The following HDAC9 variants were observed in gnomAD, a reference collection of about 807,000 sequenced individuals.
HDAC9 encodes MEF-2 interacting transcription repressor (MITR) protein.
Under a neutral mutation model 139.4 loss-of-function variants are expected in HDAC9, and 41 were observed. That is an observed-to-expected ratio of 0.29 (90% CI 0.23 to 0.38). HDAC9 has a LOEUF of 0.38. Among genes scored for constraint, HDAC9 ranks in the 10% least tolerant of loss-of-function variants. The pLI is 1.00. For missense variants in HDAC9, 1,147 were observed against 1,297.0 expected (o/e 0.88, Z 1.78); for synonymous variants, 517 against 476.2 (o/e 1.09, Z -1.12).
rs928312970 is a variant in HDAC9, at chr7:18,118,730, G to C, written c.-97+31517G>C. Among the ~76,000 whole-genome samples, 3 of 152,222 alleles carry C rather than the reference G, an allele frequency of 2.0e-5. No homozygotes were observed. The Middle Eastern group carries it at 0.01, about 521-fold the overall frequency. The stretch of plus-strand genomic sequence containing the variant: ...CCAAATTACTAGCCTTCAAATCCTT[G>C]TCTATTTTGTATCCAGAGCCTATTT... On this transcript the variant is annotated intron_variant, in intron 1 of 12. Transcript: ENST00000417496.
chr7:18,521,981 G>A (rs930191007), intron 2 of HDAC9, among the ~76,000 whole-genome samples: 2 of 152,134 alleles, frequency 1.3e-5, no homozygotes, highest in African/African-American at 4.8e-5. Context: ...GAAATATTGT[G>A]TCTTCTGTTA....
chr7:18,212,470 C>T (rs1466638552), intron 2 of HDAC9, among the ~76,000 whole-genome samples: 4 of 152,062 alleles, frequency 2.6e-5, no homozygotes, highest in Admixed American at 6.6e-5. Context: ...ATTCTTGTTG[C>T]GTCATCAAAG....
At chr7:18,762,533 G>A (rs1009337783) in intron 15 of HDAC9, among the ~76,000 whole-genome samples, 1 of 152,140 alleles carries the variant, frequency 6.6e-6, no homozygotes, top group Admixed American at 6.5e-5. Context: ...TGTACAATGT[G>A]TTTTTGCATA....
intron 2 of HDAC9, among the ~76,000 whole-genome samples, chr7:18,540,769 G>C (rs1395533423): frequency 2.0e-5 from 3 of 152,112 alleles, no homozygotes; most frequent in Non-Finnish European, 4.4e-5. Context: ...TTTAGAAAAG[G>C]AACATTGAAA....
At chr7:18,354,837 A>G (rs17347187) in intron 1 of HDAC9, among the ~76,000 whole-genome samples, 1,740 of 152,250 alleles carry the variant, frequency 0.011, 13 homozygotes, top group Non-Finnish European at 0.018. Flanking sequence ...AAAGCTTTAG[A>G]CAGTCAACAC....
intron 2 of HDAC9, among the ~76,000 whole-genome samples, chr7:18,234,862 G>A (rs1160027026): frequency 2.0e-5 from 3 of 152,194 alleles, no homozygotes; most frequent in African/African-American, 7.2e-5. Flanking sequence ...CACACCTGTG[G>A]GAACATTTGG....
At chr7:18,239,758 A>G (rs1026580357) in intron 2 of HDAC9, among the ~76,000 whole-genome samples, 1 of 152,192 alleles carries the variant, frequency 6.6e-6, no homozygotes, top group Non-Finnish European at 1.5e-5. Context: ...AAGTTGCCAC[A>G]GGAGAATGGG....
intron 1 of HDAC9, among the ~76,000 whole-genome samples, chr7:18,445,246 T>A (rs1166106901): frequency 6.6e-6 from 1 of 152,240 alleles, no homozygotes; most frequent in Non-Finnish European, 1.5e-5. Context: ...GTTAGTTCTA[T>A]TAGCTCAACT....
chr7:18,682,819 A>G (rs1243486099), intron 12 of HDAC9, among the ~76,000 whole-genome samples: 1 of 151,888 alleles, frequency 6.6e-6, no homozygotes, highest in Admixed American at 6.6e-5. Flanking sequence ...CCTGTCTAAT[A>G]AAAATACAAA....
Position 18,249,567 on chromosome 7 carries a change from G to GTT in HDAC9, c.25+87221_25+87222dup, listed in dbSNP as rs1193725293. 7.4e-5 allele frequency among the ~76,000 whole-genome samples: 11 copies of GTT among 147,900 alleles called. No homozygotes were observed. In the South Asian group the frequency reaches 1.1e-3, roughly 14 times the overall value. On this transcript the variant is annotated intron_variant, in intron 2 of 12. Transcript: ENST00000417496. ...AACAGATCTGTTTTTTAAGTGGGTA[G>GTT]TTTTACAGGGGAGAGGTTATTTCCT...
intron 24 of HDAC9, among the ~76,000 whole-genome samples, chr7:18,955,566 T>G (rs1783091698): frequency 6.6e-6 from 1 of 152,182 alleles, no homozygotes; most frequent in African/African-American, 2.4e-5. Context: ...TCAATAGGCA[T>G]TTTTGAGTTC....
At chr7:18,227,923 A>G (rs1026113204) in intron 2 of HDAC9, among the ~76,000 whole-genome samples, 1 of 152,262 alleles carries the variant, frequency 6.6e-6, no homozygotes, top group Non-Finnish European at 1.5e-5. Flanking sequence ...TACACTTTTT[A>G]TTCATTTTCC....
intron 1 of HDAC9, among the ~76,000 whole-genome samples, chr7:18,331,409 GTTAAAA>G (rs1800910541): frequency 1.3e-5 from 2 of 151,652 alleles, no homozygotes; most frequent in Admixed American, 6.6e-5. Context: ...CATATTTTCA[GTTAAAA>G]TTAGAATAGC....
At chr7:18,396,318 A>AAACTT (rs1235552504) in intron 1 of HDAC9, among the ~76,000 whole-genome samples, 1 of 152,160 alleles carries the variant, frequency 6.6e-6, no homozygotes, top group Admixed American at 6.6e-5. Flanking sequence ...ATAGGCTAAA[A>AAACTT]AACTTATAAG....
intron 1 of HDAC9, among the ~76,000 whole-genome samples, chr7:18,343,586 A>G (rs1002712490): frequency 6.6e-6 from 1 of 151,864 alleles, no homozygotes; most frequent in Non-Finnish European, 1.5e-5. Flanking sequence ...ACAGAAATTT[A>G]AGCATATTTT....
chr7:18,892,963 T>G (rs1800814756), intron 22 of HDAC9, among the ~76,000 whole-genome samples: 1 of 144,616 alleles, frequency 6.9e-6, no homozygotes, highest in Non-Finnish European at 1.5e-5. Context: ...TACTTGTTGC[T>G]TCTCATATTT....
chr7:18,464,061 C>T (rs1447693026), intron 1 of HDAC9, among the ~76,000 whole-genome samples: 2 of 152,066 alleles, frequency 1.3e-5, no homozygotes, highest in Admixed American at 6.6e-5. Context: ...AATCTCCCAG[C>T]ATGTCTGTTT....
chr7:18,610,210 C>A (rs1836729956), intron 6 of HDAC9, among the ~76,000 whole-genome samples: 1 of 152,102 alleles, frequency 6.6e-6, no homozygotes, highest in Non-Finnish European at 1.5e-5. Context: ...AAGCAAGCAC[C>A]AAATACAAAT....
chr7:18,668,690 T>C (rs901116699), intron 12 of HDAC9: 1 of 976,022 alleles, frequency 1.0e-6, no homozygotes, highest in Non-Finnish European at 1.2e-6. Context: ...AATTAATTGA[T>C]AAATGTCTCT....
Sources: gnomAD v4.1 joint callset for allele counts (sites outside exome capture counted in the v4.1 genomes callset) on GRCh38, gnomAD v4.1.1 for gene constraint, MANE v1.5 for transcripts, NCBI Gene and HGNC (gene_info 2026-07-23, HGNC 2026-07-21) for gene names.